NDUFS7: variants seen among roughly 807,000 people sequenced by gnomAD.
NDUFS7 encodes NADH dehydrogenase [ubiquinone] iron-sulfur protein 7, mitochondrial.
Under a neutral mutation model 31.1 loss-of-function variants are expected in NDUFS7, and 11 were observed. The ratio of observed to expected loss-of-function variants is 0.35; its 90% confidence interval spans 0.22 to 0.59. The LOEUF (loss-of-function observed/expected upper bound fraction) is 0.59. Among genes scored for constraint, NDUFS7 ranks in the 20% least tolerant of loss-of-function variants. The pLI is 0.79. For missense variants in NDUFS7, 263 were observed against 324.2 expected, an observed-to-expected ratio of 0.81 and a Z score of 1.45; for synonymous variants, 136 against 127.9, an observed-to-expected ratio of 1.06 and a Z score of -0.43.
intron 1 of NDUFS7, among the ~76,000 whole-genome samples, chr19:1,387,566 A>G (rs919865468): frequency 6.6e-6 from 1 of 152,076 alleles, no homozygotes; most frequent in African/African-American, 2.4e-5. Flanking sequence ...GGTGCCAGTG[A>G]AGATCGCCAG....
At chr19:1,387,541 C>T (rs1240415871) in intron 1 of NDUFS7, among the ~76,000 whole-genome samples, 2 of 152,184 alleles carry the variant, frequency 1.3e-5, no homozygotes, top group African/African-American at 4.8e-5. Context: ...GGGGCCCTGG[C>T]GCAGGAAAGC....
chr19:1,390,718 C>T (rs2082549012), intron 4 of NDUFS7, 153 bp from the exon 5 acceptor site: 5 of 780,292 alleles, frequency 6.4e-6, no homozygotes, highest in African/African-American at 1.7e-5. Flanking sequence ...TCTTGGGGCC[C>T]GGAGGCCACC....
Position 1,388,917 on chromosome 19 carries a change from C to G in NDUFS7, c.207C>G (p.Asp69Glu). 1.9e-6 allele frequency: 3 copies of G among 1,609,174 alleles called. No homozygotes were observed. Among genetic ancestry groups the G allele is most frequent in the South Asian group, 1.1e-5 (1 of 90,012 alleles). The change falls in exon 4 of 8, where the codon GAC becomes GAG. Residue 69 changes from aspartate (D) to glutamate (E), a missense_variant. Asp to Glu is a conservative substitution (Grantham distance 45). Transcript: ENST00000233627. Reference protein sequence around the residue: ...RGEYVVAKLDDLVNWARRSSL... With the variant: ...RGEYVVAKLDELVNWARRSSL... ...AGTATGTGGTGGCCAAGCTGGATGA[C>G]CTCGTCAACTGGGCCCGCCGGGTGA...
Position 1,388,248 on chromosome 19 carries a change from T to C in NDUFS7, c.54-277T>C, listed in dbSNP as rs1402575313. 5.1e-6 allele frequency: 3 copies of C among 588,528 alleles called. No homozygotes were observed. In the African/African-American group the frequency reaches 5.6e-5, roughly 11 times the overall value. The allele number at this position is 588,528 out of a possible 1,614,324, so 36.5% of individuals were successfully genotyped here. The stretch of plus-strand genomic sequence containing the variant: ...TCATGTGTGGAGGGCCTGCTGCCAG[T>C]TTCCTTCTGTGGATGATCCTGGGAC... On this transcript the variant is annotated intron_variant, in intron 2 of 7. Transcript: ENST00000233627.
chr19:1,394,028 G>A (rs531417099), intron 7 of NDUFS7: 7 of 257,714 alleles, frequency 2.7e-5, no homozygotes, highest in East Asian at 2.1e-4. Context: ...TGGAGGTGGC[G>A]CTCATGTGGG....
At position 1,387,815 on chromosome 19, in the gene NDUFS7, T is replaced by C. The variant is rs201222388; in HGVS notation, c.21T>C (p.Pro7=). The part of the protein sequence containing the change: MAVLSA[P]GLRGFRILGL... Reference sequence around the variant, plus strand: ...ACCCCGTGGTCCTCTCTGCAGCTCCTGGCCTGCGCGGCTTCCGGATCCTTG... The same window carrying C: ...ACCCCGTGGTCCTCTCTGCAGCTCCCGGCCTGCGCGGCTTCCGGATCCTTG... The change falls in exon 2 of 8, where the codon CCT becomes CCC. Residue 7 remains proline (P), a synonymous_variant. Transcript: ENST00000233627. 132 of 1,610,748 alleles carry C rather than the reference T, an allele frequency of 8.2e-5. No homozygotes were observed. The East Asian group carries it at 2.9e-3, about 35-fold the overall frequency.
At chr19:1,395,067 G>A (rs942485587) in intron 7 of NDUFS7, 114 of 1,254,006 alleles carry the variant, frequency 9.1e-5, no homozygotes, top group South Asian at 3.7e-4. Context: ...TCTGCTGAGC[G>A]CTGGCCCCCA....
intron 4 of NDUFS7, chr19:1,390,565 C>T (rs974030913): frequency 3.7e-6 from 2 of 533,940 alleles, no homozygotes; most frequent in Admixed American, 3.2e-5. Context: ...AGCCCACGCG[C>T]TCAGAGAGTG....
At chr19:1,390,846 T>A in intron 4 of NDUFS7, 25 bp from the exon 5 acceptor site, 1 of 1,602,686 alleles carries the variant, frequency 6.2e-7, no homozygotes, top group Non-Finnish European at 8.5e-7. Flanking sequence ...GGGGGTGGCG[T>A]CTGACCCGAG....
rs1278457425 is a variant in NDUFS7 at position 1,395,452 on chromosome 19, G to A, written c.606G>A (p.Lys202=). ...TCCTGCAGCTGCAGAGGAAGATCAA[G>A]CGGGAGCGGAGGCTGCAGATCTGGT... ...YGILQLQRKI[K]RERRLQIWYR... is the part of the protein sequence containing the mutation. The change falls in exon 8 of 8, where the codon AAG becomes AAA. Residue 202 remains lysine (K), a synonymous_variant. Coordinates refer to ENST00000233627, the MANE Select transcript of NDUFS7 (RefSeq NM_024407.5). The A allele has an allele frequency of 1.9e-6, 3 of 1,599,088 alleles. No individual in the cohort carries two copies. The highest frequency in any genetic ancestry group is 2.7e-5 in the African/African-American group (2 of 74,864).
intron 4 of NDUFS7, chr19:1,389,264 C>T (rs1177998880): frequency 5.2e-5 from 33 of 630,432 alleles, no homozygotes; most frequent in Admixed American, 4.9e-4. Flanking sequence ...CACATATACA[C>T]ATGCACACGC....
At chr19:1,388,145 G>T in intron 2 of NDUFS7, 1 of 591,290 alleles carries the variant, frequency 1.7e-6, no homozygotes, top group Non-Finnish European at 3.0e-6. Context: ...CTGTGCAGAT[G>T]GCAGCTGGGG....
At chr19:1,386,257 A>G (rs1376637046) in intron 1 of NDUFS7, among the ~76,000 whole-genome samples, 1 of 152,104 alleles carries the variant, frequency 6.6e-6, no homozygotes, top group Non-Finnish European at 1.5e-5. Flanking sequence ...ACAAAGTACC[A>G]TCACCTGGGC....
At chr19:1,394,711 C>T in intron 7 of NDUFS7, 8 of 1,200,292 alleles carry the variant, frequency 6.7e-6, no homozygotes, top group Non-Finnish European at 8.4e-6. Flanking sequence ...TGTGCTTCTC[C>T]CTCCCTTGGA....
chr19:1,386,442 A>G (rs117700303), intron 1 of NDUFS7: 6,890 of 152,302 alleles, frequency 0.045, 438 homozygotes, highest in East Asian at 0.25. Context: ...TTACAAGGAC[A>G]TAAGTCATAT....
chr19:1,393,176 G>A lies in NDUFS7; in HGVS notation c.456-66G>A, dbSNP rs1238437743. 6.0e-6 allele frequency: 8 copies of A among 1,341,338 alleles called. No homozygotes were observed. The highest frequency in any genetic ancestry group is 2.0e-5 in the Admixed American group (1 of 50,558). The allele number at this position is 1,341,338 out of a possible 1,614,324, so 83.1% of individuals were successfully genotyped here. On this transcript the variant is annotated intron_variant, in intron 6 of 7. Transcript: ENST00000233627. This position sits in a 1 kb window ranked among gnomAD's most constrained non-coding sequence, Gnocchi z 7.3. Reference sequence around the variant, plus strand: ...TGAAGGCGGGTGGGGATGGGGCGAGGCCTCGTGGAGGGAGGGTGGGCAGGC... The same window carrying A: ...TGAAGGCGGGTGGGGATGGGGCGAGACCTCGTGGAGGGAGGGTGGGCAGGC...
chr19:1,395,331 G>C, intron 7 of NDUFS7, 60 bp from the exon 8 acceptor site: 2 of 1,560,242 alleles, frequency 1.3e-6, no homozygotes, highest in Admixed American at 3.9e-5. Context: ...CGGCTGCGCT[G>C]TGCACGCGGT....
At chr19:1,391,267 A>T in intron 6 of NDUFS7, 102 bp downstream of exon 6, 1 of 1,433,258 alleles carries the variant, frequency 7.0e-7, no homozygotes, top group Non-Finnish European at 9.6e-7. Context: ...CATTCAGTGA[A>T]ATCCCACGTG....
At position 1,388,579 on chromosome 19, in the gene NDUFS7, C is replaced by T. The variant is rs375442011; in HGVS notation, c.108C>T (p.Thr36=). The part of the protein sequence containing the change: ...QARGVHQSVA[T]DGPSSTQPAL... ...GAGGTGTCCATCAGAGCGTGGCCAC[C>T]GATGGCCCAAGCAGGTGAAGCTGGC... Residue 36 remains threonine, a synonymous_variant, in exon 3 of 8, where the codon ACC becomes ACT. Coordinates refer to ENST00000233627, the MANE Select transcript of NDUFS7 (RefSeq NM_024407.5). 7.4e-6 allele frequency: 12 copies of T among 1,612,220 alleles called. No homozygotes were observed. Among genetic ancestry groups the T allele is most frequent in the South Asian group, 5.5e-5 (5 of 90,970 alleles).
Sources: gnomAD v4.1 joint callset for allele counts (sites outside exome capture counted in the v4.1 genomes callset) on GRCh38, gnomAD v4.1.1 for gene constraint, Gnocchi (gnomAD v3.1) non-coding constraint, MANE v1.5 for transcripts, NCBI Gene and HGNC (gene_info 2026-07-23, HGNC 2026-07-21) for gene names.